ERC2: variants seen among roughly 807,000 people sequenced by gnomAD.
The protein encoded by ERC2 is ELKS/RAB6-interacting/CAST family member 2.
Under a neutral mutation model 114.8 loss-of-function variants are expected in ERC2, and 42 were observed. The observed-to-expected ratio is 0.37, with a 90% CI of 0.29 to 0.47. The LOEUF is 0.47. Ranked by LOEUF, ERC2 falls within the 20% of genes least tolerant of loss-of-function variation. ERC2 has a pLI of 0.99. For missense variants in ERC2, 939 were observed against 1,150.7 expected (o/e 0.82, Z 2.66); for synonymous variants, 454 against 425.5 (o/e 1.07, Z -0.82).
chr3:55,983,986 A>G (rs2070370888), intron 12 of ERC2, among the ~76,000 whole-genome samples: 1 of 152,218 alleles, frequency 6.6e-6, no homozygotes, highest in Non-Finnish European at 1.5e-5. Flanking sequence ...GACTCTAAAG[A>G]CTTTTTGTTT....
intron 3 of ERC2, among the ~76,000 whole-genome samples, chr3:56,291,507 A>G (rs2055083044): frequency 6.6e-6 from 1 of 152,148 alleles, no homozygotes; most frequent in Non-Finnish European, 1.5e-5. Context: ...ACTCCTGCCA[A>G]CTCCAAATCT....
chr3:55,979,983 A>G (rs1445491508), intron 12 of ERC2, among the ~76,000 whole-genome samples: 2 of 145,484 alleles, frequency 1.4e-5, no homozygotes, highest in Admixed American at 1.4e-4. Context: ...TTAAGGAACC[A>G]TAGAGGCTCT....
At chr3:55,921,371 G>A (rs957239159) in intron 13 of ERC2, among the ~76,000 whole-genome samples, 20 of 152,078 alleles carry the variant, frequency 1.3e-4, no homozygotes, top group African/African-American at 4.6e-4. Context: ...TCTGAGAATT[G>A]CCTCCTGATT....
chr3:56,297,160 AGT>A (rs2055499778), intron 2 of ERC2, among the ~76,000 whole-genome samples: 1 of 152,164 alleles, frequency 6.6e-6, no homozygotes, highest in Non-Finnish European at 1.5e-5. Flanking sequence ...CACAAAGAAA[AGT>A]CCAGTGCAAG....
chr3:55,883,816 A>G (rs1303844792), intron 14 of ERC2, among the ~76,000 whole-genome samples: 1 of 152,072 alleles, frequency 6.6e-6, no homozygotes, highest in Non-Finnish European at 1.5e-5. Context: ...TGAACCCAGG[A>G]GGCAGAGCTT....
At chr3:56,069,952 G>A (rs1168391330) in intron 7 of ERC2, among the ~76,000 whole-genome samples, 1 of 152,166 alleles carries the variant, frequency 6.6e-6, no homozygotes, top group Non-Finnish European at 1.5e-5. Context: ...AAAGACTGCA[G>A]TATCAGAACA....
intron 6 of ERC2, among the ~76,000 whole-genome samples, chr3:56,087,179 T>TTG (rs59471652): frequency 0.083 from 12,256 of 147,342 alleles, 543 homozygotes; most frequent in East Asian, 0.17. Context: ...TTTGATCCAT[T>TTG]TGTGTGTGTG....
At chr3:56,050,647 C>T (rs2075720158) in intron 7 of ERC2, among the ~76,000 whole-genome samples, 1 of 152,150 alleles carries the variant, frequency 6.6e-6, no homozygotes, top group Non-Finnish European at 1.5e-5. Flanking sequence ...TACATCCTGT[C>T]CTTGACAAGG....
intron 17 of ERC2, among the ~76,000 whole-genome samples, chr3:55,595,563 A>G (rs1224598695): frequency 1.3e-5 from 2 of 152,244 alleles, no homozygotes; most frequent in Non-Finnish European, 2.9e-5. Context: ...TTTCTCCCAT[A>G]GGCAGCGCAT....
chr3:56,246,030 G>C (rs13065094), intron 3 of ERC2, among the ~76,000 whole-genome samples: 2 of 148,842 alleles, frequency 1.3e-5, no homozygotes, highest in African/African-American at 5.0e-5. Flanking sequence ...TCCTAAAAGC[G>C]ACTTCTTTTA....
At position 55,846,693 on chromosome 3, in the gene ERC2, T is replaced by TTCTCTCTC. The variant is rs34647203; in HGVS notation, c.2564+41688_2564+41695dup. ...ATTCTCTCTCTCTCTCTCTCTCTCT[T>TTCTCTCTC]TCTCTCTCTCTCTCTCTCTCTCTCT... is the stretch of plus-strand genomic sequence containing the variant. On this transcript the variant is annotated intron_variant, in intron 14 of 17. Coordinates refer to ENST00000288221, the MANE Select transcript of ERC2 (RefSeq NM_015576.3). 7.1e-3 allele frequency among the ~76,000 whole-genome samples: 1,015 copies of TTCTCTCTC among 142,876 alleles called. 11 individuals are homozygous for TTCTCTCTC. Among genetic ancestry groups the TTCTCTCTC allele is most frequent in the African/African-American group, 0.019 (704 of 37,874 alleles). The allele number at this position is 142,876 out of a possible 152,430, so 93.7% of individuals were successfully genotyped here. A position where few individuals can be genotyped will look rare whatever the true frequency, so the allele number is the denominator to read the frequency against.
chr3:56,384,178 C>T (rs57737873), intron 2 of ERC2, among the ~76,000 whole-genome samples: 41,087 of 152,018 alleles, frequency 0.27, 5,726 homozygotes, highest in Admixed American at 0.3. Flanking sequence ...GTACAAATAT[C>T]TGTTTGAGTC....
intron 7 of ERC2, among the ~76,000 whole-genome samples, chr3:56,035,345 G>GA (rs1169658731): frequency 2.6e-5 from 4 of 152,234 alleles, no homozygotes; most frequent in African/African-American, 9.6e-5. Flanking sequence ...TCCCCACAAA[G>GA]AAAAGCCCAG....
rs28450140 is a variant in ERC2 at position 55,816,837 on chromosome 3, A to G, written c.2564+71552T>C. ...CTAAAGGAGACTCCTGTAGGTTGCT[A>G]TGGACAATCAGACCTGGCCAGGTAG... On this transcript the variant is annotated intron_variant, in intron 14 of 17. Transcript: ENST00000288221. Among the ~76,000 whole-genome samples the G allele has an allele frequency of 5.7e-3, 872 of 152,290 alleles. 10 individuals carry two copies. The highest frequency in any genetic ancestry group is 0.02 in the African/African-American group (830 of 41,560).
intron 17 of ERC2, among the ~76,000 whole-genome samples, chr3:55,666,395 T>C (rs1329256615): frequency 2.0e-5 from 3 of 152,210 alleles, no homozygotes; most frequent in African/African-American, 7.2e-5. Flanking sequence ...AATGTTCACT[T>C]CCCTTCCCTC....
chr3:56,311,026 T>G (rs2056506031), intron 2 of ERC2, among the ~76,000 whole-genome samples: 1 of 151,848 alleles, frequency 6.6e-6, no homozygotes, highest in South Asian at 2.1e-4. Context: ...TAATAAAGTC[T>G]GAGTAAACTA....
chr3:55,580,895 A>T (rs1443528115), intron 17 of ERC2, among the ~76,000 whole-genome samples: 1 of 152,168 alleles, frequency 6.6e-6, no homozygotes, highest in African/African-American at 2.4e-5. Context: ...AGGGAAAGGG[A>T]TGGGGGCTAT....
intron 12 of ERC2, among the ~76,000 whole-genome samples, chr3:55,960,203 C>A (rs988961952): frequency 5.3e-5 from 8 of 152,198 alleles, no homozygotes; most frequent in African/African-American, 1.9e-4. Flanking sequence ...TGTTGGCATA[C>A]AATCTTCCAA....
chr3:56,391,837 A>C (rs1033076369), intron 2 of ERC2, among the ~76,000 whole-genome samples: 2 of 152,220 alleles, frequency 1.3e-5, no homozygotes, highest in Admixed American at 6.5e-5. Flanking sequence ...ATTAATTACA[A>C]AATACCTATG....
Sources: gnomAD v4.1 joint callset for allele counts (sites outside exome capture counted in the v4.1 genomes callset) on GRCh38, gnomAD v4.1.1 for gene constraint, MANE v1.5 for transcripts, NCBI Gene and HGNC (gene_info 2026-07-23, HGNC 2026-07-21) for gene names.